Variants in SCD5 observed in about 807,000 individuals in gnomAD.
SCD5 encodes stearoyl-CoA desaturase 5, also known as acyl-CoA-desaturase 4.
A neutral mutation model predicts 30.4 loss-of-function variants in SCD5; 20 were observed. The ratio of observed to expected loss-of-function variants is 0.66; its 90% confidence interval spans 0.46 to 0.96. The LOEUF is 0.96. SCD5 is among the 40% of genes least tolerant of loss of function. The pLI is 0.00. For synonymous variants in SCD5, 173 were observed against 176.4 expected, an observed-to-expected ratio of 0.98 and a Z score of 0.16; for missense variants, 381 against 443.3, an observed-to-expected ratio of 0.86 and a Z score of 1.26.
chr4:82,684,098 C>G (rs1431354177), intron 2 of SCD5, among the ~76,000 whole-genome samples: 1 of 151,970 alleles, frequency 6.6e-6, no homozygotes, highest in Non-Finnish European at 1.5e-5. Context: ...ATGAAAAGAC[C>G]CATCATGATG....
intron 1 of SCD5, among the ~76,000 whole-genome samples, chr4:82,723,221 A>T (rs1720405997): frequency 6.6e-6 from 1 of 152,102 alleles, no homozygotes; most frequent in Non-Finnish European, 1.5e-5. Flanking sequence ...TTTTGGCACT[A>T]GGGGCTCTCT....
chr4:82,768,241 GGGA>G (rs1721535748), intron 1 of SCD5, among the ~76,000 whole-genome samples: 1 of 152,280 alleles, frequency 6.6e-6, no homozygotes, highest in South Asian at 2.1e-4. Flanking sequence ...GACTTATTAA[GGGA>G]CATTTGCTGG....
At chr4:82,642,259 T>A (rs989916083) in intron 3 of SCD5, among the ~76,000 whole-genome samples, 1 of 152,162 alleles carries the variant, frequency 6.6e-6, no homozygotes, top group Non-Finnish European at 1.5e-5. Flanking sequence ...ACTCAATTCT[T>A]AAACCCTGAA....
At chr4:82,754,038 A>G (rs900967441) in intron 1 of SCD5, among the ~76,000 whole-genome samples, 5 of 152,196 alleles carry the variant, frequency 3.3e-5, no homozygotes, top group Non-Finnish European at 5.9e-5. Flanking sequence ...GTCTCTTGTC[A>G]AGCACAGACT....
At chr4:82,734,045 G>A (rs1720696907) in intron 1 of SCD5, among the ~76,000 whole-genome samples, 1 of 152,174 alleles carries the variant, frequency 6.6e-6, no homozygotes, top group East Asian at 1.9e-4. Flanking sequence ...TAGCTACTTG[G>A]AGGAAATGTG....
intron 1 of SCD5, among the ~76,000 whole-genome samples, chr4:82,725,342 C>G (rs548013468): frequency 1.2e-4 from 18 of 152,322 alleles, no homozygotes; most frequent in Admixed American, 9.8e-4. Context: ...AGCTATCACT[C>G]TGTCACCACC....
intron 2 of SCD5, among the ~76,000 whole-genome samples, chr4:82,688,307 C>T (rs763360311): frequency 5.9e-5 from 9 of 151,898 alleles, no homozygotes; most frequent in Non-Finnish European, 1.3e-4. Context: ...TGTGCGTGTG[C>T]GTGCGTGTGG....
chr4:82,679,266 AGG>A (rs1449229832), intron 3 of SCD5, among the ~76,000 whole-genome samples: 4 of 113,626 alleles, frequency 3.5e-5, no homozygotes, highest in Non-Finnish European at 5.6e-5. Context: ...GAAAGAAGGA[AGG>A]AAAGAAAGAA....
At chr4:82,776,323 C>G (rs895644384) in intron 1 of SCD5, among the ~76,000 whole-genome samples, 10 of 152,118 alleles carry the variant, frequency 6.6e-5, no homozygotes, top group Non-Finnish European at 1.0e-4. Context: ...CAATCATATC[C>G]TTGGCCTCCC....
At position 82,636,637 on chromosome 4, in the gene SCD5, C is replaced by T. The variant is rs1414647881; in HGVS notation, c.756G>A (p.Lys252=). ...AHMYGNRPYD[K]HISPRQNPLV... ...GTGGGTTCTGCCGAGGGCTGATGTG[C>T]TTGTCATAGGGCCGGTTTCCATACA... is the stretch of plus-strand genomic sequence containing the variant. The change falls in exon 4 of 5, where the codon AAG becomes AAA. Residue 252 remains lysine, a synonymous_variant. Transcript: ENST00000319540. 1.9e-6 allele frequency: 3 copies of T among 1,614,078 alleles called. No homozygotes were observed. Among genetic ancestry groups the T allele is most frequent in the Admixed American group, 3.3e-5 (2 of 60,002 alleles).
Position 82,693,044 on chromosome 4 carries a change from C to A in SCD5, c.364-12132G>T, listed in dbSNP as rs569545057. Among the ~76,000 whole-genome samples the A allele has an allele frequency of 2.6e-5, 4 of 152,292 alleles. No individual in the cohort carries two copies. The East Asian group carries it at 7.7e-4, about 29-fold the overall frequency. ...AGCAGAGACTTTGGACTCAGTGTGA[C>A]CCTGATCAGACACCCTGGTTGGATG... On this transcript the variant is annotated intron_variant, in intron 2 of 4. Coordinates refer to ENST00000319540, the MANE Select transcript of SCD5 (RefSeq NM_001037582.3).
At chr4:82,738,297 C>A (rs1431606254) in intron 1 of SCD5, among the ~76,000 whole-genome samples, 1 of 151,948 alleles carries the variant, frequency 6.6e-6, no homozygotes, top group Non-Finnish European at 1.5e-5. Context: ...TGGCGTGCGT[C>A]TGTGGTCCCA....
intron 1 of SCD5, among the ~76,000 whole-genome samples, chr4:82,748,548 C>T (rs964811941): frequency 3.3e-5 from 5 of 152,210 alleles, no homozygotes; most frequent in African/African-American, 1.2e-4. Context: ...ACATCTGCTG[C>T]AATCCCTGAG....
At chr4:82,762,616 A>G (rs932009365) in intron 1 of SCD5, among the ~76,000 whole-genome samples, 5 of 152,126 alleles carry the variant, frequency 3.3e-5, no homozygotes, top group African/African-American at 9.7e-5. Flanking sequence ...TAGTACCTCC[A>G]CGTTAGATAA....
chr4:82,733,662 A>G (rs1053415714), intron 1 of SCD5, among the ~76,000 whole-genome samples: 52 of 152,296 alleles, frequency 3.4e-4, no homozygotes, highest in Admixed American at 3.2e-3. Context: ...AGAATTCCGT[A>G]ACAATTTCTC....
chr4:82,771,645 A>G (rs936557783), intron 1 of SCD5, among the ~76,000 whole-genome samples: 1 of 146,718 alleles, frequency 6.8e-6, no homozygotes, highest in African/African-American at 2.6e-5. Context: ...CTACAGCCAC[A>G]GACCACATGG....
intron 3 of SCD5, among the ~76,000 whole-genome samples, chr4:82,643,322 GCAA>G (rs1727580816): frequency 6.6e-6 from 1 of 152,142 alleles, no homozygotes; most frequent in African/African-American, 2.4e-5. Flanking sequence ...CATGTTGGTA[GCAA>G]CATTATTCAG....
chr4:82,686,086 G>A (rs1728697853), intron 2 of SCD5, among the ~76,000 whole-genome samples: 1 of 151,760 alleles, frequency 6.6e-6, no homozygotes, highest in Non-Finnish European at 1.5e-5. Flanking sequence ...GCTCACTACA[G>A]CCTCAACTAC....
At chr4:82,645,314 G>GAAAA (rs34850249) in intron 3 of SCD5, among the ~76,000 whole-genome samples, 1 of 144,752 alleles carries the variant, frequency 6.9e-6, no homozygotes, top group Non-Finnish European at 1.5e-5. Flanking sequence ...ACCGTCTCAA[G>GAAAA]AAAAAAAAAA....
Sources: allele counts gnomAD v4.1 joint callset (sites outside exome capture counted in the v4.1 genomes callset), GRCh38; gene constraint gnomAD v4.1.1; transcripts MANE v1.5; gene names NCBI Gene and HGNC (gene_info 2026-07-23, HGNC 2026-07-21).